Variants in PTPRM observed in about 807,000 individuals in gnomAD.
The protein encoded by PTPRM is protein tyrosine phosphatase receptor type M, also known as receptor-type tyrosine-protein phosphatase mu.
Under a neutral mutation model 186.7 loss-of-function variants are expected in PTPRM, and 47 were observed. The ratio of observed to expected loss-of-function variants is 0.25; its 90% CI spans 0.20 to 0.32. The LOEUF (loss-of-function observed/expected upper bound fraction) is 0.32, where lower values mean the gene tolerates loss of function less well. Among genes scored for constraint, PTPRM ranks in the 10% least tolerant of loss-of-function variants. The pLI is 1.00. For missense variants in PTPRM, 1,494 were observed against 1,865.0 expected (o/e 0.80, Z 3.66); for synonymous variants, 668 against 674.9 (o/e 0.99, Z 0.16).
chr18:7,752,677 A>G (rs1472222559), intron 1 of PTPRM, among the ~76,000 whole-genome samples: 1 of 152,094 alleles, frequency 6.6e-6, no homozygotes, highest in African/African-American at 2.4e-5. Context: ...TCCTGACCTC[A>G]GGTGATCCGC....
At chr18:8,311,241 A>G (rs535654759) in intron 20 of PTPRM, among the ~76,000 whole-genome samples, 2 of 152,184 alleles carry the variant, frequency 1.3e-5, no homozygotes, top group East Asian at 3.9e-4. Context: ...CCCAGGAGGC[A>G]GAGGTTGCAA....
intron 23 of PTPRM, among the ~76,000 whole-genome samples, chr18:8,350,195 G>A (rs754088910): frequency 1.1e-4 from 16 of 152,100 alleles, no homozygotes; most frequent in African/African-American, 1.7e-4. Flanking sequence ...AGCCCATTTC[G>A]GCAGCTCATA....
chr18:7,891,827 A>C (rs1268827919), intron 3 of PTPRM, among the ~76,000 whole-genome samples: 1 of 151,874 alleles, frequency 6.6e-6, no homozygotes, highest in Non-Finnish European at 1.5e-5. Context: ...GTGAGCTGAC[A>C]TTGTGCCACT....
intron 15 of PTPRM, among the ~76,000 whole-genome samples, chr18:8,247,264 G>A (rs1287803872): frequency 6.6e-6 from 1 of 152,178 alleles, no homozygotes. Context: ...GGAAGAGAAG[G>A]TGCAATAATT....
intron 1 of PTPRM, among the ~76,000 whole-genome samples, chr18:7,734,929 C>G (rs1348055285): frequency 7.4e-6 from 1 of 134,636 alleles, no homozygotes; most frequent in African/African-American, 3.3e-5. Flanking sequence ...CGGTGGGGGT[C>G]ACACACACAC....
At chr18:7,823,431 C>T (rs553921161) in intron 2 of PTPRM, among the ~76,000 whole-genome samples, 13 of 152,296 alleles carry the variant, frequency 8.5e-5, no homozygotes, top group African/African-American at 3.1e-4. Context: ...TTGGTGTGAT[C>T]ATTAAGTGTC....
At chr18:8,094,121 C>T (rs949799972) in intron 11 of PTPRM, among the ~76,000 whole-genome samples, 1 of 152,114 alleles carries the variant, frequency 6.6e-6, no homozygotes, top group Non-Finnish European at 1.5e-5. Flanking sequence ...AAGTTTATCC[C>T]TTTATAGTAT....
chr18:7,628,428 G>A (rs554045260), intron 1 of PTPRM, among the ~76,000 whole-genome samples: 1 of 152,248 alleles, frequency 6.6e-6, no homozygotes, highest in South Asian at 2.1e-4. Flanking sequence ...AGTTTAAAAC[G>A]ATAACTTTCT....
chr18:7,883,156 A>G (rs961364451), intron 2 of PTPRM, among the ~76,000 whole-genome samples: 3 of 152,200 alleles, frequency 2.0e-5, no homozygotes, highest in Admixed American at 6.5e-5. Flanking sequence ...GTGTTTTGTT[A>G]TCTGAACACA....
rs756667109 is a variant in PTPRM, at chr18:8,182,758, A to G, written c.2300+38979A>G. Among the ~76,000 whole-genome samples, 5 of 152,332 alleles carry G rather than the reference A, an allele frequency of 3.3e-5. 1 individual carries two copies. In the Middle Eastern group the frequency reaches 0.017, roughly 518 times the overall value. ...GCTTTCTTGTCTTTGGAAAACTAAT[A>G]CATGTTTATTATAAAATCTTGACTC... is the stretch of plus-strand genomic sequence containing the variant. On this transcript the variant is annotated intron_variant, in intron 14 of 32. Transcript: ENST00000580170.
At chr18:7,803,115 A>G (rs1226807589) in intron 2 of PTPRM, among the ~76,000 whole-genome samples, 1 of 152,168 alleles carries the variant, frequency 6.6e-6, no homozygotes, top group Non-Finnish European at 1.5e-5. Flanking sequence ...CTAGATAAAT[A>G]TATTGGCAGG....
intron 23 of PTPRM, among the ~76,000 whole-genome samples, chr18:8,351,630 C>T (rs2095534635): frequency 6.6e-6 from 1 of 152,170 alleles, no homozygotes; most frequent in Non-Finnish European, 1.5e-5. Flanking sequence ...GCCTTGAATT[C>T]CTTCAATTCT....
intron 1 of PTPRM, among the ~76,000 whole-genome samples, chr18:7,770,163 G>T (rs1191928260): frequency 6.6e-6 from 1 of 152,178 alleles, no homozygotes; most frequent in African/African-American, 2.4e-5. Context: ...AAATTTGTCT[G>T]TATTATTCAG....
intron 9 of PTPRM, among the ~76,000 whole-genome samples, chr18:8,083,555 C>A (rs554702606): frequency 3.8e-4 from 58 of 152,184 alleles, no homozygotes; most frequent in Admixed American, 9.2e-4. Flanking sequence ...ATTTTAGCAC[C>A]CTATTCGTTT....
At position 7,872,213 on chromosome 18, in the gene PTPRM, T is replaced by G. The variant is rs2048017872; in HGVS notation, c.197-15893T>G. On this transcript the variant is annotated intron_variant, in intron 2 of 32. Coordinates refer to ENST00000580170, the MANE Select transcript of PTPRM (RefSeq NM_001105244.2). ...AAAGAACCACCGTTCTTTCACATAT[T>G]TTAGGCTAAGAATCATTTTGGACAC... is the stretch of plus-strand genomic sequence containing the variant. Among the ~76,000 whole-genome samples, 3 of 152,248 alleles carry G rather than the reference T, an allele frequency of 2.0e-5. No individual in the cohort carries two copies. The South Asian group carries it at 6.2e-4, about 32-fold the overall frequency.
In PTPRM at chr18:7,884,951, A is replaced by AAG. The variant is rs1555632235; in HGVS notation, c.197-3155_197-3154insAG. ...AAAAAAAAAAAAAAAAAAAAAAAAAAGGAGAGAGAGAAAATAGCAGATCTT... is the reference window on the plus strand; with the variant it reads ...AAAAAAAAAAAAAAAAAAAAAAAAAAAGGGAGAGAGAGAAAATAGCAGATCTT... On this transcript the variant is annotated intron_variant, in intron 2 of 32. Transcript: ENST00000580170. Among the ~76,000 whole-genome samples the AAG allele has an allele frequency of 3.1e-4, 45 of 146,304 alleles. 1 individual carries two copies. In the South Asian group the frequency reaches 7.5e-3, roughly 24 times the overall value.
intron 14 of PTPRM, among the ~76,000 whole-genome samples, chr18:8,227,925 T>G (rs888622411): frequency 6.6e-6 from 1 of 152,226 alleles, no homozygotes; most frequent in East Asian, 1.9e-4. Flanking sequence ...TTTCTTGCAC[T>G]GTCACCGGTT....
chr18:8,350,806 T>C (rs2095530360), intron 23 of PTPRM, among the ~76,000 whole-genome samples: 1 of 152,158 alleles, frequency 6.6e-6, no homozygotes, highest in African/African-American at 2.4e-5. Context: ...GCAGACAAAG[T>C]ATTTGCCATT....
chr18:7,637,664 TA>T (rs1316267388), intron 1 of PTPRM, among the ~76,000 whole-genome samples: 4 of 152,232 alleles, frequency 2.6e-5, no homozygotes, highest in Admixed American at 6.5e-5. Context: ...AGGTTCTTAA[TA>T]ATCATTGAAT....
Sources: gnomAD v4.1 joint callset for allele counts (sites outside exome capture counted in the v4.1 genomes callset) on GRCh38, gnomAD v4.1.1 for gene constraint, MANE v1.5 for transcripts, NCBI Gene and HGNC (gene_info 2026-07-23, HGNC 2026-07-21) for gene names.